The following SLC38A12 variants were observed in gnomAD, a reference collection of about 807,000 sequenced individuals.
SLC38A12 encodes putative sodium-coupled neutral amino acid transporter 12.
At chr17:74,827,452 C>T in the SLC38A12 span, among the ~76,000 whole-genome samples, 1 of 152,070 alleles carries the variant, frequency 6.6e-6, no homozygotes, top group African/African-American at 2.4e-5. This position sits in a 1 kb window ranked among gnomAD's most constrained non-coding sequence, Gnocchi z 4.7. Context: ...TGGGCCACCA[C>T]GCCCAGCTAA....
the SLC38A12 span, among the ~76,000 whole-genome samples, chr17:74,810,881 G>A: frequency 2.0e-5 from 3 of 152,216 alleles, no homozygotes; most frequent in Non-Finnish European, 4.4e-5. Context: ...ACAGGCTGCC[G>A]GCATGGTTTC....
At chr17:74,795,729 G>A in the SLC38A12 span, 2 of 946,886 alleles carry the variant, frequency 2.1e-6, no homozygotes, top group Non-Finnish European at 3.3e-6. Flanking sequence ...CCTTTCCCCA[G>A]AGAGGAGGAT....
chr17:74,813,522 C>T, the SLC38A12 span, among the ~76,000 whole-genome samples: 1 of 151,778 alleles, frequency 6.6e-6, no homozygotes. Context: ...CAGGGTCTCG[C>T]TCTGTCACCC....
the SLC38A12 span, among the ~76,000 whole-genome samples, chr17:74,790,493 C>G: frequency 6.6e-6 from 1 of 152,158 alleles, no homozygotes; most frequent in Non-Finnish European, 1.5e-5. Flanking sequence ...GCTGGCTTGG[C>G]CACTACTCAG....
At chr17:74,791,943 G>A in the SLC38A12 span, among the ~76,000 whole-genome samples, 4 of 139,138 alleles carry the variant, frequency 2.9e-5, no homozygotes, top group South Asian at 4.7e-4. Flanking sequence ...TGAGGAGATC[G>A]AGACCATCCT....
At chr17:74,833,848 C>A in the SLC38A12 span, among the ~76,000 whole-genome samples, 3 of 152,180 alleles carry the variant, frequency 2.0e-5, no homozygotes, top group Non-Finnish European at 4.4e-5. Flanking sequence ...ACAGCAGCTG[C>A]CCCCATTGCC....
the SLC38A12 span, among the ~76,000 whole-genome samples, chr17:74,810,085 T>C: frequency 6.6e-6 from 1 of 152,236 alleles, no homozygotes; most frequent in Non-Finnish European, 1.5e-5. Flanking sequence ...CATGATTGCC[T>C]CTGCCTGGAG....
chr17:74,792,879 C>T, the SLC38A12 span, among the ~76,000 whole-genome samples: 78 of 152,310 alleles, frequency 5.1e-4, no homozygotes, highest in African/African-American at 1.8e-3. Flanking sequence ...CCATCCCTCC[C>T]GTCTCACCAG....
chr17:74,812,347 C>T, the SLC38A12 span, among the ~76,000 whole-genome samples: 20 of 152,162 alleles, frequency 1.3e-4, no homozygotes, highest in Non-Finnish European at 2.6e-4. Context: ...AACTCACCTT[C>T]GTGTGGGTGA....
the SLC38A12 span, among the ~76,000 whole-genome samples, chr17:74,803,120 A>G: frequency 2.0e-5 from 3 of 152,236 alleles, no homozygotes; most frequent in Non-Finnish European, 2.9e-5. Context: ...CTTACTTTAC[A>G]GAAGGATTTG....
At chr17:74,824,171 C>T in the SLC38A12 span, among the ~76,000 whole-genome samples, 2 of 152,224 alleles carry the variant, frequency 1.3e-5, no homozygotes, top group Admixed American at 6.5e-5. Context: ...TGGGCAGCCT[C>T]TCTGTTGCCA....
the SLC38A12 span, chr17:74,836,238 G>A: frequency 7.4e-6 from 12 of 1,611,410 alleles, no homozygotes; most frequent in African/African-American, 4.0e-5. The surrounding 1 kb of genome is among the most constrained non-coding windows in gnomAD (Gnocchi z 4.2). Flanking sequence ...CTGTGACGTC[G>A]TGGGCCTGGC....
chr17:74,835,527 C>G, the SLC38A12 span, among the ~76,000 whole-genome samples: 1 of 152,194 alleles, frequency 6.6e-6, no homozygotes, highest in Non-Finnish European at 1.5e-5. Flanking sequence ...CCTGACCCAG[C>G]CTGCTCCCTG....
the SLC38A12 span, among the ~76,000 whole-genome samples, chr17:74,781,374 TC>T: frequency 6.6e-6 from 1 of 152,206 alleles, no homozygotes; most frequent in Non-Finnish European, 1.5e-5. Context: ...AGCCTTGACT[TC>T]CTGGGCTCAG....
chr17:74,780,026 A>G, the SLC38A12 span, among the ~76,000 whole-genome samples: 1 of 152,180 alleles, frequency 6.6e-6, no homozygotes. Flanking sequence ...GAGGACCGAG[A>G]GTGACACAGA....
the SLC38A12 span, among the ~76,000 whole-genome samples, chr17:74,779,526 A>G: frequency 6.6e-6 from 1 of 152,186 alleles, no homozygotes; most frequent in African/African-American, 2.4e-5. Context: ...CCTTCTTCCT[A>G]AGGGTTCCTT....
At chr17:74,787,362 C>T in the SLC38A12 span, among the ~76,000 whole-genome samples, 1 of 145,286 alleles carries the variant, frequency 6.9e-6, no homozygotes, top group Non-Finnish European at 1.5e-5. Context: ...GTGGCTCACA[C>T]CTGTAATCCC....
At chr17:74,838,370 C>G in the SLC38A12 span, 1 of 996,410 alleles carries the variant, frequency 1.0e-6, no homozygotes, top group African/African-American at 1.7e-5. Context: ...CCTGGCTGCC[C>G]CACTGTGGCT....
the SLC38A12 span, chr17:74,785,808 C>A: frequency 1.7e-6 from 1 of 603,700 alleles, no homozygotes; most frequent in Non-Finnish European, 2.8e-6. Context: ...GGAGCGGTTG[C>A]ACAGCCCTGA....
Sources: allele counts gnomAD v4.1 joint callset (sites outside exome capture counted in the v4.1 genomes callset), GRCh38; gene constraint gnomAD v4.1.1; non-coding constraint Gnocchi (gnomAD v3.1); transcripts MANE v1.5; gene names NCBI Gene and HGNC (gene_info 2026-07-23, HGNC 2026-07-21).